The following CACNB4 variants were observed in gnomAD, a reference collection of about 807,000 sequenced individuals.
CACNB4 encodes voltage-dependent L-type calcium channel subunit beta-4.
CACNB4 carries 32 observed loss-of-function variants against 71.2 expected under a neutral mutation model. The observed-to-expected ratio is 0.45, with a 90% CI of 0.34 to 0.60. The LOEUF (loss-of-function observed/expected upper bound fraction) is 0.60. CACNB4 is among the 20% of genes least tolerant of loss of function. The pLI is 0.01. For missense variants in CACNB4, 464 were observed against 647.9 expected (o/e 0.72, Z 3.08); for synonymous variants, 231 against 236.9 (o/e 0.97, Z 0.23).
intron 2 of CACNB4, chr2:151,883,856 G>C: frequency 4.5e-6 from 1 of 222,334 alleles, no homozygotes; most frequent in Non-Finnish European, 9.0e-6. Flanking sequence ...CAGTTTCAAT[G>C]TCAACACTAT....
At chr2:151,900,868 A>C (rs1464392959) in intron 2 of CACNB4, among the ~76,000 whole-genome samples, 1 of 152,230 alleles carries the variant, frequency 6.6e-6, no homozygotes, top group African/African-American at 2.4e-5. Context: ...CCTACTGCTT[A>C]ACAGACACTA....
intron 2 of CACNB4, among the ~76,000 whole-genome samples, chr2:151,900,385 T>G (rs1011198601): frequency 6.6e-6 from 1 of 152,220 alleles, no homozygotes; most frequent in Non-Finnish European, 1.5e-5. Context: ...AAGTCAGCGC[T>G]GGAACTGTGC....
intron 2 of CACNB4, among the ~76,000 whole-genome samples, chr2:152,019,589 G>T (rs370468466): frequency 2.0e-5 from 3 of 152,264 alleles, no homozygotes; most frequent in Admixed American, 6.5e-5. Flanking sequence ...TGGATGACTG[G>T]AAAGACTAAC....
chr2:151,964,304 G>T (rs1398424361), intron 2 of CACNB4, among the ~76,000 whole-genome samples: 1 of 152,032 alleles, frequency 6.6e-6, no homozygotes, highest in Non-Finnish European at 1.5e-5. Flanking sequence ...GATCTTATGT[G>T]CATTTTTAAA....
chr2:151,982,256 T>C (rs2099874844), intron 2 of CACNB4, among the ~76,000 whole-genome samples: 1 of 152,164 alleles, frequency 6.6e-6, no homozygotes, highest in Non-Finnish European at 1.5e-5. Context: ...ACAGCCTCCC[T>C]TGCAACTAGA....
intron 2 of CACNB4, among the ~76,000 whole-genome samples, chr2:151,933,645 G>T (rs1036010254): frequency 2.6e-5 from 4 of 152,020 alleles, no homozygotes; most frequent in Non-Finnish European, 5.9e-5. Flanking sequence ...TTCTACTCAG[G>T]CTCCCCCTCA....
At chr2:151,858,810 T>C (rs976933179) in intron 10 of CACNB4, 5 of 152,244 alleles carry the variant, frequency 3.3e-5, no homozygotes, top group African/African-American at 1.2e-4. Flanking sequence ...TCAATGTCTT[T>C]GTACATTCCT....
At chr2:151,933,506 T>C (rs916652715) in intron 2 of CACNB4, among the ~76,000 whole-genome samples, 6 of 152,062 alleles carry the variant, frequency 3.9e-5, no homozygotes, top group Non-Finnish European at 8.8e-5. Context: ...ATCCCTCTTG[T>C]AACAGATAGA....
intron 2 of CACNB4, among the ~76,000 whole-genome samples, chr2:152,002,804 G>A (rs1183696763): frequency 6.6e-6 from 1 of 152,208 alleles, no homozygotes; most frequent in Non-Finnish European, 1.5e-5. Flanking sequence ...TGGTGTTAGT[G>A]ATGACCAAGG....
intron 2 of CACNB4, among the ~76,000 whole-genome samples, chr2:151,894,538 A>G (rs1019818683): frequency 2.3e-4 from 35 of 152,308 alleles, no homozygotes; most frequent in African/African-American, 7.5e-4. Context: ...GTTATTCAAC[A>G]TATACTGAAA....
intron 2 of CACNB4, among the ~76,000 whole-genome samples, chr2:151,955,781 AG>A (rs942745816): frequency 6.6e-6 from 1 of 152,078 alleles, no homozygotes; most frequent in African/African-American, 2.4e-5. Context: ...ACACGCCTGC[AG>A]TCTCAGCTAC....
chr2:151,843,636 T>C (rs2099836808), intron 12 of CACNB4, among the ~76,000 whole-genome samples: 1 of 152,124 alleles, frequency 6.6e-6, no homozygotes, highest in African/African-American at 2.4e-5. Flanking sequence ...CTTTCAATAG[T>C]AGGATTGACC....
chr2:151,993,843 G>A lies in CACNB4; in HGVS notation c.147+104487C>T, dbSNP rs1471618864. 1.5e-4 allele frequency among the ~76,000 whole-genome samples: 23 copies of A among 150,820 alleles called. No homozygotes were observed. In the East Asian group the frequency reaches 3.9e-3, roughly 25 times the overall value. ...CTCCCAAAGTGCTGGGATTACAGGC[G>A]TGAGCCACTGTGCCCAGCCGGGGAC... On this transcript the variant is annotated intron_variant, in intron 2 of 13. Transcript: ENST00000539935.
intron 3 of CACNB4, 152 bp downstream of exon 3, chr2:151,883,099 T>C: frequency 2.8e-6 from 2 of 704,488 alleles, no homozygotes; most frequent in East Asian, 5.4e-5. Flanking sequence ...TAACCTCACT[T>C]AGAGGTGAAA....
intron 11 of CACNB4, chr2:151,853,769 G>T (rs1345107668): frequency 2.7e-6 from 1 of 376,566 alleles, no homozygotes; most frequent in Non-Finnish European, 4.7e-6. Flanking sequence ...GAAGTCTCAG[G>T]AGGAGCCTGA....
In CACNB4 at chr2:151,961,370, G is replaced by C. The variant is rs141155798; in HGVS notation, c.148-78000C>G. Among the ~76,000 whole-genome samples the C allele has an allele frequency of 1.4e-3, 216 of 152,292 alleles. 5 individuals are homozygous for C. The East Asian group carries it at 0.034, about 24-fold the overall frequency. ...AAGCCCTCTTAGCTTAGCTTCTCAAGCTTTCTCCACAAAACTAACATTTAA... is the reference window on the plus strand; with the variant it reads ...AAGCCCTCTTAGCTTAGCTTCTCAACCTTTCTCCACAAAACTAACATTTAA... On this transcript the variant is annotated intron_variant, in intron 2 of 13. Transcript: ENST00000539935.
intron 2 of CACNB4, among the ~76,000 whole-genome samples, chr2:152,039,931 G>A (rs144681447): frequency 5.9e-4 from 90 of 152,290 alleles, no homozygotes; most frequent in African/African-American, 2.1e-3. Context: ...TGTGTACACC[G>A]AAGACATAAT....
intron 2 of CACNB4, among the ~76,000 whole-genome samples, chr2:151,976,137 T>G (rs2099873750): frequency 1.3e-5 from 2 of 152,224 alleles, no homozygotes; most frequent in Non-Finnish European, 2.9e-5. Flanking sequence ...GGATCACATA[T>G]AGCAGCCTGT....
At chr2:152,091,402 C>T (rs988526175) in intron 2 of CACNB4, among the ~76,000 whole-genome samples, 7 of 152,194 alleles carry the variant, frequency 4.6e-5, no homozygotes, top group Non-Finnish European at 1.0e-4. Context: ...TCAATACTGT[C>T]TACCATGCAG....
Sources: gnomAD v4.1 joint callset for allele counts (sites outside exome capture counted in the v4.1 genomes callset) on GRCh38, gnomAD v4.1.1 for gene constraint, MANE v1.5 for transcripts, NCBI Gene and HGNC (gene_info 2026-07-23, HGNC 2026-07-21) for gene names.